Variants in RBFOX2 observed in about 807,000 individuals in gnomAD.
RBFOX2 encodes the protein RNA binding fox-1 homolog 2, also known as RNA binding protein fox-1 homolog 2.
A neutral mutation model predicts 49.1 loss-of-function variants in RBFOX2; 10 were observed. The observed-to-expected ratio is 0.20, with a 90% CI of 0.13 to 0.35. The LOEUF (loss-of-function observed/expected upper bound fraction) is 0.35, where lower values mean the gene tolerates loss of function less well. Among genes scored for constraint, RBFOX2 ranks in the 10% least tolerant of loss-of-function variants. The pLI, the probability that RBFOX2 is intolerant of heterozygous loss-of-function variation, is 1.00. For synonymous variants in RBFOX2, 183 were observed against 187.4 expected, an observed-to-expected ratio of 0.98 and a Z score of 0.19; for missense variants, 323 against 486.9, an observed-to-expected ratio of 0.66 and a Z score of 3.17.
At chr22:35,881,682 C>T (rs1426334919) in intron 1 of RBFOX2, among the ~76,000 whole-genome samples, 3 of 151,488 alleles carry the variant, frequency 2.0e-5, no homozygotes, top group African/African-American at 4.9e-5. Context: ...AACTTAGGGC[C>T]GGGCACAGTG....
In RBFOX2 at chr22:35,787,549, TAA is replaced by T. The variant is rs140093482; in HGVS notation, c.253-5805_253-5804del. On this transcript the variant is annotated intron_variant, in intron 2 of 11. Coordinates refer to ENST00000405409, the Ensembl canonical transcript of RBFOX2. ...ATTGGTCATACTATATTAACGTACT[TAA>T]ATGAGATCTTATCTCACAACTGGGA... is the stretch of plus-strand genomic sequence containing the variant. Among the ~76,000 whole-genome samples, 590 of 152,330 alleles carry T rather than the reference TAA, an allele frequency of 3.9e-3. 4 individuals carry two copies. Among genetic ancestry groups the T allele is most frequent in the African/African-American group, 0.013 (549 of 41,568 alleles).
chr22:35,946,470 C>A (rs1397710900), intron 1 of RBFOX2, among the ~76,000 whole-genome samples: 2 of 152,158 alleles, frequency 1.3e-5, no homozygotes, highest in African/African-American at 4.8e-5. Context: ...TAGATAATAT[C>A]TACCACATAA....
intron 1 of RBFOX2, among the ~76,000 whole-genome samples, chr22:35,858,208 A>C (rs1372192313): frequency 6.6e-6 from 1 of 152,216 alleles, no homozygotes. Context: ...GTGGCAATAA[A>C]GTACAAAACC....
chr22:35,870,755 A>G (rs961311664), intron 1 of RBFOX2, among the ~76,000 whole-genome samples: 4 of 152,184 alleles, frequency 2.6e-5, no homozygotes, highest in African/African-American at 7.2e-5. Context: ...GGAGACAACA[A>G]GCAGCAGTCT....
chr22:35,925,501 G>A (rs2051520469), intron 1 of RBFOX2, among the ~76,000 whole-genome samples: 1 of 152,192 alleles, frequency 6.6e-6, no homozygotes, highest in South Asian at 2.1e-4. Flanking sequence ...CTGAGGGACA[G>A]AGAGAGATCC....
rs555018232 is a variant in RBFOX2, at chr22:35,821,414, C to T, written c.28-11410G>A. 3.3e-5 allele frequency among the ~76,000 whole-genome samples: 5 copies of T among 151,716 alleles called. No homozygotes were observed. In the South Asian group the frequency reaches 1.0e-3, roughly 32 times the overall value. ...GTCAGGAGTTCGAGACCAGCCTGGC[C>T]AACATGGCGAAACCCCGTCTCTACT... On this transcript the variant is annotated intron_variant, in intron 1 of 11. Coordinates refer to ENST00000405409, the Ensembl canonical transcript of RBFOX2.
At chr22:36,028,563 C>G (rs1346420230) in exon 1 of RBFOX2, 2 of 802,470 alleles carry the variant, frequency 2.5e-6, no homozygotes, top group African/African-American at 1.9e-5. Context: ...TGCGCGCGAG[C>G]GGACTCCGCG....
chr22:35,783,836 C>A (rs770997903), intron 2 of RBFOX2, among the ~76,000 whole-genome samples: 4 of 152,208 alleles, frequency 2.6e-5, no homozygotes, highest in Admixed American at 6.5e-5. Flanking sequence ...CCACCAATAC[C>A]CGCTTGAATG....
chr22:35,864,025 A>G (rs2149113020), intron 1 of RBFOX2, among the ~76,000 whole-genome samples: 1 of 152,336 alleles, frequency 6.6e-6, no homozygotes, highest in Non-Finnish European at 1.5e-5. Flanking sequence ...CAGTGTCAGC[A>G]TTACATGATT....
At chr22:35,970,338 T>C (rs2056799322) in intron 1 of RBFOX2, among the ~76,000 whole-genome samples, 1 of 152,142 alleles carries the variant, frequency 6.6e-6, no homozygotes, top group African/African-American at 2.4e-5. Flanking sequence ...TCAGAGGATA[T>C]ATTGTACATT....
intron 9 of RBFOX2, chr22:35,748,141 A>G (rs1933479403): frequency 6.6e-6 from 1 of 152,186 alleles, no homozygotes; most frequent in Non-Finnish European, 1.5e-5. Context: ...CTGCTCTTCA[A>G]GTTTATGCTG....
intron 1 of RBFOX2, among the ~76,000 whole-genome samples, chr22:35,858,585 G>T (rs1413937295): frequency 6.6e-6 from 1 of 152,114 alleles, no homozygotes; most frequent in Non-Finnish European, 1.5e-5. Context: ...CAGCACTTTA[G>T]GAAGTCGAGG....
chr22:35,931,352 T>G (rs1170292583), intron 1 of RBFOX2, among the ~76,000 whole-genome samples: 1 of 151,118 alleles, frequency 6.6e-6, no homozygotes, highest in Admixed American at 6.6e-5. Context: ...GAAAGAAAAT[T>G]ATTATAGATT....
chr22:35,902,637 T>C (rs1198290793), intron 1 of RBFOX2, among the ~76,000 whole-genome samples: 2 of 151,978 alleles, frequency 1.3e-5, no homozygotes, highest in Admixed American at 6.6e-5. Flanking sequence ...CTAATTTTCT[T>C]ATTTTACTTT....
chr22:35,947,725 T>C (rs2054472061), intron 1 of RBFOX2, among the ~76,000 whole-genome samples: 1 of 108,732 alleles, frequency 9.2e-6, no homozygotes, highest in Admixed American at 8.4e-5. Context: ...AAAAACCTTA[T>C]AGAATAAGAA....
At chr22:36,018,495 G>T (rs1262053651) in intron 1 of RBFOX2, among the ~76,000 whole-genome samples, 1 of 152,234 alleles carries the variant, frequency 6.6e-6, no homozygotes, top group African/African-American at 2.4e-5. Flanking sequence ...CTTGGAGGTG[G>T]AATGTGGAAA....
At chr22:36,010,176 C>T (rs2058762207) in intron 1 of RBFOX2, among the ~76,000 whole-genome samples, 1 of 152,108 alleles carries the variant, frequency 6.6e-6, no homozygotes. Flanking sequence ...GCCACCAGCC[C>T]AGATCGATGG....
intron 1 of RBFOX2, among the ~76,000 whole-genome samples, chr22:36,027,505 A>G (rs2059486574): frequency 6.6e-6 from 1 of 152,234 alleles, no homozygotes; most frequent in African/African-American, 2.4e-5. Context: ...GTCTTCTAAT[A>G]GCCCTATAAA....
intron 2 of RBFOX2, among the ~76,000 whole-genome samples, chr22:35,783,298 A>C (rs1945607380): frequency 6.6e-6 from 1 of 152,218 alleles, no homozygotes; most frequent in African/African-American, 2.4e-5. Context: ...AGATCTCCCA[A>C]ACTTCATCTG....
Sources: allele counts gnomAD v4.1 joint callset (sites outside exome capture counted in the v4.1 genomes callset), GRCh38; gene constraint gnomAD v4.1.1; transcripts MANE v1.5; gene names NCBI Gene and HGNC (gene_info 2026-07-23, HGNC 2026-07-21).